The following FOXP1 variants were observed in gnomAD, a reference collection of about 807,000 sequenced individuals.
FOXP1 encodes forkhead box protein P1.
FOXP1 carries 15 observed loss-of-function variants against 98.2 expected under a neutral mutation model. That is an observed-to-expected ratio of 0.15 (90% CI 0.10 to 0.24). The LOEUF is 0.24. Among genes scored for constraint, FOXP1 ranks in the 10% least tolerant of loss-of-function variants. The pLI is 1.00. For missense variants in FOXP1, 633 were observed against 848.5 expected (o/e 0.75, Z 3.15); for synonymous variants, 371 against 314.5 (o/e 1.18, Z -1.90).
intron 2 of FOXP1, among the ~76,000 whole-genome samples, chr3:71,502,419 G>T (rs759452816): frequency 8.5e-5 from 13 of 152,128 alleles, no homozygotes; most frequent in Non-Finnish European, 1.2e-4. Flanking sequence ...ATTTTGTTTT[G>T]AGTCTTGCTC....
chr3:71,361,235 T>C lies in FOXP1; in HGVS notation c.-167-1991A>G, dbSNP rs564634251. On this transcript the variant is annotated intron_variant, in intron 3 of 20. Transcript: ENST00000649528. ...ACTGCCACTAAAAGAAAGATGACCA[T>C]TGTCATCGACTTATCAGAGCAACGA... Among the ~76,000 whole-genome samples the C allele has an allele frequency of 7.2e-5, 11 of 152,328 alleles. No homozygotes were observed. In the South Asian group the frequency reaches 8.3e-4, roughly 11 times the overall value.
intron 13 of FOXP1, among the ~76,000 whole-genome samples, chr3:70,995,085 A>C (rs1480771789): frequency 6.6e-6 from 1 of 151,982 alleles, no homozygotes; most frequent in African/African-American, 2.4e-5. Context: ...CCCAAACGGA[A>C]TTAAAATCCA....
intron 6 of FOXP1, among the ~76,000 whole-genome samples, chr3:71,185,604 G>T (rs1398165888): frequency 1.3e-5 from 2 of 152,130 alleles, no homozygotes; most frequent in African/African-American, 4.8e-5. Flanking sequence ...ATAGTCCCAG[G>T]CCATTTCCTG....
intron 3 of FOXP1, among the ~76,000 whole-genome samples, chr3:71,472,902 T>A (rs1040693527): frequency 1.3e-5 from 2 of 152,196 alleles, no homozygotes; most frequent in Non-Finnish European, 2.9e-5. Flanking sequence ...GCACCTTCAA[T>A]TAGTTAGTCC....
chr3:71,382,704 G>T (rs1211484177), intron 3 of FOXP1, among the ~76,000 whole-genome samples: 2 of 152,188 alleles, frequency 1.3e-5, no homozygotes, highest in Non-Finnish European at 2.9e-5. Context: ...GCTGGATCAA[G>T]TCTCTCCTGC....
chr3:71,117,812 T>C (rs1559965234), intron 6 of FOXP1, among the ~76,000 whole-genome samples: 2 of 152,168 alleles, frequency 1.3e-5, no homozygotes, highest in Admixed American at 6.5e-5. Flanking sequence ...TGGCACTGGA[T>C]AACCTGGTGC....
chr3:71,359,385 T>C (rs1212925561), intron 3 of FOXP1, 141 bp from the exon 4 acceptor site: 1 of 152,230 alleles, frequency 6.6e-6, no homozygotes, highest in Non-Finnish European at 1.5e-5. Flanking sequence ...TCTAAGCATC[T>C]ATTTTATCCT....
intron 7 of FOXP1, among the ~76,000 whole-genome samples, chr3:71,101,718 C>G (rs996005906): frequency 6.7e-6 from 1 of 148,994 alleles, no homozygotes; most frequent in Non-Finnish European, 1.5e-5. Flanking sequence ...GCAGCAGGCA[C>G]AATATTCTGA....
At chr3:71,201,400 C>T (rs1157145891) in intron 5 of FOXP1, among the ~76,000 whole-genome samples, 1 of 152,112 alleles carries the variant, frequency 6.6e-6, no homozygotes, top group African/African-American at 2.4e-5. Context: ...AATCCCAGCA[C>T]TTTGGGAGGC....
At chr3:71,371,912 G>C (rs994711509) in intron 3 of FOXP1, among the ~76,000 whole-genome samples, 1 of 152,030 alleles carries the variant, frequency 6.6e-6, no homozygotes, top group Non-Finnish European at 1.5e-5. Context: ...CACCACACTC[G>C]GCTTATTCCT....
chr3:70,966,195 G>C, intron 19 of FOXP1, 139 bp from the exon 20 acceptor site: 2 of 797,916 alleles, frequency 2.5e-6, no homozygotes, highest in Non-Finnish European at 4.1e-6. Context: ...AAGAGGTGTT[G>C]AAAGATTTTG....
Position 70,958,118 on chromosome 3 carries a change from G to A in FOXP1, c.*1129C>T. ...GCCATATTGTCAGTCTAATTAATATGAGCTTTTTTTTTTTTTTCAGTGCTG... is the reference window on the plus strand; with the variant it reads ...GCCATATTGTCAGTCTAATTAATATAAGCTTTTTTTTTTTTTTCAGTGCTG... On this transcript the variant is annotated 3_prime_UTR_variant, in exon 21 of 21. Coordinates refer to ENST00000649528, the MANE Select transcript of FOXP1 (RefSeq NM_001349338.3). The A allele has an allele frequency of 2.8e-6, 1 of 360,560 alleles. No individual in the cohort carries two copies. Among genetic ancestry groups the A allele is most frequent in the South Asian group, 3.0e-5 (1 of 33,010 alleles). 22.3% of individuals were successfully genotyped at this position (360,560 alleles called of 1,614,324 possible). A position where few individuals can be genotyped will look rare whatever the true frequency, so the allele number is the denominator to read the frequency against.
chr3:71,335,936 G>A (rs1212839557), intron 4 of FOXP1, among the ~76,000 whole-genome samples: 5 of 149,476 alleles, frequency 3.3e-5, no homozygotes, highest in East Asian at 2.0e-4. Context: ...GGGTGGAGGC[G>A]GAGGCGGAGG....
intron 3 of FOXP1, among the ~76,000 whole-genome samples, chr3:71,397,608 T>C (rs1328125256): frequency 2.0e-5 from 3 of 152,226 alleles, no homozygotes; most frequent in Non-Finnish European, 4.4e-5. Context: ...TTACAATGTA[T>C]GGTCAAGTCT....
At chr3:71,301,518 AGAACGCC>A (rs1336856192) in intron 4 of FOXP1, among the ~76,000 whole-genome samples, 1 of 152,188 alleles carries the variant, frequency 6.6e-6, no homozygotes, top group Non-Finnish European at 1.5e-5. Context: ...ATTCAAAGCA[AGAACGCC>A]TTTTCCTCTC....
chr3:71,031,763 G>T (rs1437750985), intron 11 of FOXP1, among the ~76,000 whole-genome samples: 1 of 151,668 alleles, frequency 6.6e-6, no homozygotes, highest in African/African-American at 2.4e-5. Flanking sequence ...AAAAAAAGAG[G>T]TGGGGAAGAG....
chr3:71,221,710 T>C (rs1299307581), intron 5 of FOXP1, among the ~76,000 whole-genome samples: 1 of 152,246 alleles, frequency 6.6e-6, no homozygotes, highest in African/African-American at 2.4e-5. Flanking sequence ...TCTATCCCTC[T>C]AGTTCCCATC....
At chr3:71,168,078 G>A (rs1477500268) in intron 6 of FOXP1, among the ~76,000 whole-genome samples, 1 of 152,122 alleles carries the variant, frequency 6.6e-6, no homozygotes, top group Admixed American at 6.5e-5. Flanking sequence ...TTTGTTACAT[G>A]TGGCCTAAAA....
At chr3:71,159,779 T>C (rs2061040613) in intron 6 of FOXP1, among the ~76,000 whole-genome samples, 4 of 152,178 alleles carry the variant, frequency 2.6e-5, no homozygotes, top group African/African-American at 9.7e-5. Flanking sequence ...CCACACACAA[T>C]GGGTTTATCA....
Sources: gnomAD v4.1 joint callset for allele counts (sites outside exome capture counted in the v4.1 genomes callset) on GRCh38, gnomAD v4.1.1 for gene constraint, MANE v1.5 for transcripts, NCBI Gene and HGNC (gene_info 2026-07-23, HGNC 2026-07-21) for gene names.